Variants in FCER1G observed in about 807,000 individuals in gnomAD.
FCER1G encodes Fc epsilon receptor Ig.
In FCER1G, 7 loss-of-function variants were observed where a neutral mutation model predicts 17.3. That is an observed-to-expected ratio of 0.40 (90% confidence interval 0.23 to 0.76). FCER1G has a LOEUF of 0.76. Among genes scored for constraint, FCER1G ranks in the 30% least tolerant of loss-of-function variants. The pLI is 0.35. For synonymous variants in FCER1G, 35 were observed against 38.7 expected, an observed-to-expected ratio of 0.90 and a Z score of 0.35; for missense variants, 87 against 97.7, an observed-to-expected ratio of 0.89 and a Z score of 0.46.
At chr1:161,218,186 G>A in intron 2 of FCER1G, 55 bp from the exon 3 acceptor site, 1 of 1,566,222 alleles carries the variant, frequency 6.4e-7, no homozygotes, top group Non-Finnish European at 8.8e-7. Flanking sequence ...AGTTTGGAGG[G>A]AAGGGGGATG....
chr1:161,215,339 C>T lies in FCER1G; in HGVS notation c.18C>T (p.Val6=), dbSNP rs1334997851. 1 of 1,613,792 alleles carries T rather than the reference C, an allele frequency of 6.2e-7. No individual in the cohort carries two copies. The highest frequency in any genetic ancestry group is 8.5e-7 in the Non-Finnish European group (1 of 1,179,798). Residue 6 remains valine, a synonymous_variant, in exon 1 of 5, where the codon GTC becomes GTT. Transcript: ENST00000289902. MIPAV[V]LLLLLLVEQA... is the part of the protein sequence containing the mutation. The stretch of plus-strand genomic sequence containing the variant: ...AGCCCAAGATGATTCCAGCAGTGGT[C>T]TTGCTCTTACTCCTTTTGGTTGAAC...
In FCER1G at chr1:161,218,404, G is replaced by T. The variant is rs1384064477; in HGVS notation, c.177+128G>T. The T allele has an allele frequency of 3.8e-6, 3 of 792,820 alleles. No individual in the cohort carries two copies. The African/African-American group carries it at 5.1e-5, about 14-fold the overall frequency. The allele number at this position is 792,820 out of a possible 1,614,324, so 49.1% of individuals were successfully genotyped here. A position where few individuals can be genotyped will look rare whatever the true frequency, so the allele number is the denominator to read the frequency against. ...GTGCTGATCTGCATACACCTCAGAG[G>T]CCTCCCTCCCACCTTACCTAGCCAA... On this transcript the variant is annotated intron_variant, in intron 3 of 4. Coordinates refer to ENST00000289902, the MANE Select transcript of FCER1G (RefSeq NM_004106.2).
chr1:161,216,889 C>T (rs746808169), intron 1 of FCER1G, among the ~76,000 whole-genome samples: 7 of 152,094 alleles, frequency 4.6e-5, no homozygotes, highest in Non-Finnish European at 1.0e-4. Flanking sequence ...GGTCTGCTGC[C>T]GTGGGATGAG....
At chr1:161,216,597 A>G (rs1178554449) in intron 1 of FCER1G, among the ~76,000 whole-genome samples, 8 of 152,116 alleles carry the variant, frequency 5.3e-5, no homozygotes, top group African/African-American at 1.9e-4. Flanking sequence ...GGGCAGCATG[A>G]GATCCCCAGT....
At chr1:161,216,407 CACACATAT>C (rs1472404712) in intron 1 of FCER1G, among the ~76,000 whole-genome samples, 5 of 142,694 alleles carry the variant, frequency 3.5e-5, no homozygotes, top group South Asian at 2.4e-4. Context: ...CACACACACA[CACACATAT>C]ATATATATAT....
chr1:161,218,068 T>C lies in FCER1G; in HGVS notation c.132T>C (p.Cys44=). Reference sequence around the variant, plus strand: ...GAATTGTCCTCACCCTCCTCTACTGTCGACTGAAGGTAGCGCTGGGCAGGG... The same window carrying C: ...GAATTGTCCTCACCCTCCTCTACTGCCGACTGAAGGTAGCGCTGGGCAGGG... ...LYGIVLTLLY[C]RLKIQVRKAA... The change falls in exon 2 of 5, where the codon TGT becomes TGC. Residue 44 remains cysteine, a synonymous_variant. Transcript: ENST00000289902. 6.2e-7 allele frequency: 1 copy of C among 1,612,934 alleles called. No homozygotes were observed. Among genetic ancestry groups the C allele is most frequent in the Non-Finnish European group, 8.5e-7 (1 of 1,179,088 alleles).
At chr1:161,217,113 T>C (rs1666068079) in intron 1 of FCER1G, among the ~76,000 whole-genome samples, 1 of 152,078 alleles carries the variant, frequency 6.6e-6, no homozygotes, top group South Asian at 2.1e-4. Flanking sequence ...TGTGAAAGAG[T>C]GTTGCAGAAT....
intron 2 of FCER1G, 71 bp from the exon 3 acceptor site, chr1:161,218,169 TC>T: frequency 6.5e-7 from 1 of 1,541,388 alleles, no homozygotes; most frequent in Non-Finnish European, 9.0e-7. Flanking sequence ...AAGGGGATCC[TC>T]CACAAAGTTT....
rs753391135 is a variant in FCER1G at position 161,218,279 on chromosome 1, A to G, written c.177+3A>G. ...AGGCAGCTATAACCAGCTATGAGGT[A>G]TGGACCCTCCTACACCTGGTGTGGA... On this transcript the variant is annotated splice_donor_region_variant and intron_variant, in intron 3 of 4. Transcript: ENST00000289902. 6.2e-7 allele frequency: 1 copy of G among 1,612,914 alleles called. No homozygotes were observed. The highest frequency in any genetic ancestry group is 8.5e-7 in the Non-Finnish European group (1 of 1,178,886).
intron 1 of FCER1G, 146 bp downstream of exon 1, chr1:161,215,516 GC>G (rs1264827674): frequency 1.3e-6 from 1 of 746,634 alleles, no homozygotes. Flanking sequence ...GTCCTCTCCA[GC>G]CCCGACCCAG....
At position 161,216,421 on chromosome 1, in the gene FCER1G, T is replaced by TAGAGAGAG. The variant is rs1218274622; in HGVS notation, c.49+1052_49+1053insGAGAGAGA. 1.3e-4 allele frequency among the ~76,000 whole-genome samples: 19 copies of TAGAGAGAG among 142,060 alleles called. No individual in the cohort carries two copies. In the East Asian group the frequency reaches 2.1e-3, roughly 16 times the overall value. 93.2% of individuals were successfully genotyped at this position (142,060 alleles called of 152,430 possible). A position where few individuals can be genotyped will look rare whatever the true frequency, so the allele number is the denominator to read the frequency against. On this transcript the variant is annotated intron_variant, in intron 1 of 4. Coordinates refer to ENST00000289902, the MANE Select transcript of FCER1G (RefSeq NM_004106.2). Reference sequence around the variant, plus strand: ...ACACACACACACACACATATATATATATATATAGAGAGAGAGAGAGAGAGA... The same window carrying TAGAGAGAG: ...ACACACACACACACACATATATATATAGAGAGAGATATATAGAGAGAGAGAGAGAGAGA...
chr1:161,215,552 T>C (rs1010201336), intron 1 of FCER1G, among the ~76,000 whole-genome samples, 182 bp downstream of exon 1: 1 of 152,116 alleles, frequency 6.6e-6, no homozygotes. Flanking sequence ...AGTTCCCTCC[T>C]TTCTTGTTGC....
In FCER1G at chr1:161,218,517, G is replaced by A. The variant is rs114699057; in HGVS notation, c.178-186G>A. ...GTGAGAGACTTGGATGTAGTATGTC[G>A]GGTGTATATGTGTGCTTGTAGCCAT... is the stretch of plus-strand genomic sequence containing the variant. On this transcript the variant is annotated intron_variant, in intron 3 of 4. Transcript: ENST00000289902. Among the ~76,000 whole-genome samples the A allele has an allele frequency of 2.1e-3, 319 of 152,270 alleles. 1 individual carries two copies. Among genetic ancestry groups the A allele is most frequent in the African/African-American group, 7.3e-3 (303 of 41,550 alleles).
At chr1:161,216,339 T>A (rs1264405168) in intron 1 of FCER1G, among the ~76,000 whole-genome samples, 1 of 150,338 alleles carries the variant, frequency 6.7e-6, no homozygotes, top group African/African-American at 2.5e-5. Flanking sequence ...TTTACATATA[T>A]ATCTCTATCT....
chr1:161,218,030 C>T lies in FCER1G; in HGVS notation c.94C>T (p.Leu32=). The T allele has an allele frequency of 6.2e-7, 1 of 1,614,050 alleles. No individual in the cohort carries two copies. The highest frequency in any genetic ancestry group is 8.5e-7 in the Non-Finnish European group (1 of 1,179,964). The change falls in exon 2 of 5, where the codon CTG becomes TTG. Residue 32 remains leucine (L), a synonymous_variant. Coordinates refer to ENST00000289902, the MANE Select transcript of FCER1G (RefSeq NM_004106.2). ...PQLCYILDAI[L]FLYGIVLTLL... ...GCTCTGCTATATCCTGGATGCCATC[C>T]TGTTTCTGTATGGAATTGTCCTCAC...
chr1:161,218,168 C>T, intron 2 of FCER1G, 73 bp from the exon 3 acceptor site: 1 of 1,541,472 alleles, frequency 6.5e-7, no homozygotes, highest in Non-Finnish European at 9.0e-7. Flanking sequence ...AAAGGGGATC[C>T]TCCACAAAGT....
chr1:161,216,427 T>TAGAGAGAG lies in FCER1G; in HGVS notation c.49+1073_49+1080dup, dbSNP rs543686283. Reference sequence around the variant, plus strand: ...ACACACACACATATATATATATATATAGAGAGAGAGAGAGAGAGAGAGATA... The same window carrying TAGAGAGAG: ...ACACACACACATATATATATATATATAGAGAGAGAGAGAGAGAGAGAGAGAGAGAGATA... On this transcript the variant is annotated intron_variant, in intron 1 of 4. Transcript: ENST00000289902. Among the ~76,000 whole-genome samples the TAGAGAGAG allele has an allele frequency of 2.6e-3, 352 of 136,126 alleles. 6 individuals carry two copies. The highest frequency in any genetic ancestry group is 0.019 in the South Asian group (76 of 4,014). The allele number at this position is 136,126 out of a possible 152,430, so 89.3% of individuals were successfully genotyped here. A position where few individuals can be genotyped will look rare whatever the true frequency, so the allele number is the denominator to read the frequency against.
intron 1 of FCER1G, among the ~76,000 whole-genome samples, chr1:161,217,776 A>C (rs1450225512): frequency 6.6e-6 from 1 of 152,052 alleles, no homozygotes; most frequent in Non-Finnish European, 1.5e-5. Context: ...TTTCAATAGA[A>C]CCCTCAAGCT....
chr1:161,217,026 T>A (rs552355735), intron 1 of FCER1G, among the ~76,000 whole-genome samples: 1 of 152,310 alleles, frequency 6.6e-6, no homozygotes, highest in African/African-American at 2.4e-5. Context: ...TTCCGAGCCT[T>A]GGTTTCGTCA....
Sources: allele counts gnomAD v4.1 joint callset (sites outside exome capture counted in the v4.1 genomes callset), GRCh38; gene constraint gnomAD v4.1.1; transcripts MANE v1.5; gene names NCBI Gene and HGNC (gene_info 2026-07-23, HGNC 2026-07-21).